Variants in ZNF521 observed in about 807,000 individuals in gnomAD.
ZNF521 encodes zinc finger protein 521, also known as LYST-interacting protein 3.
Under a neutral mutation model 105.5 loss-of-function variants are expected in ZNF521, and 14 were observed. The observed-to-expected ratio is 0.13, with a 90% CI of 0.09 to 0.21. The LOEUF is 0.21. Among genes scored for constraint, ZNF521 ranks in the 10% least tolerant of loss-of-function variants. ZNF521 has a pLI of 1.00. For synonymous variants in ZNF521, 635 were observed against 606.0 expected (o/e 1.05, Z -0.70); for missense variants, 1,233 against 1,629.7 (o/e 0.76, Z 4.19).
intron 7 of ZNF521, among the ~76,000 whole-genome samples, chr18:25,077,325 G>A (rs1458814239): frequency 1.3e-5 from 2 of 152,124 alleles, no homozygotes; most frequent in African/African-American, 4.8e-5. Flanking sequence ...AAGATACGAT[G>A]GCATGCTGAT....
rs1231981976 is a variant in ZNF521, at chr18:25,253,660, T to C, written c.221-25963A>G. Among the ~76,000 whole-genome samples, 3 of 152,140 alleles carry C rather than the reference T, an allele frequency of 2.0e-5. No individual in the cohort carries two copies. The East Asian group carries it at 5.8e-4, about 29-fold the overall frequency. On this transcript the variant is annotated intron_variant, in intron 3 of 7. Transcript: ENST00000361524. ...GTGCTTCAAAAAATGTATTTGCTGA[T>C]ATACAATGGAGCTGTCATAAGTCAA...
intron 5 of ZNF521, among the ~76,000 whole-genome samples, chr18:25,113,506 ATGT>A (rs2034237035): frequency 6.6e-6 from 1 of 152,182 alleles, no homozygotes; most frequent in Admixed American, 6.5e-5. Context: ...GCAAATGCTA[ATGT>A]TGTATCAGAA....
At chr18:25,179,398 T>C (rs543149152) in intron 5 of ZNF521, among the ~76,000 whole-genome samples, 1 of 152,090 alleles carries the variant, frequency 6.6e-6, no homozygotes, top group Admixed American at 6.6e-5. Context: ...TCACTACCAA[T>C]AGGGAGTTAG....
intron 3 of ZNF521, among the ~76,000 whole-genome samples, chr18:25,275,009 G>GA (rs1232486784): frequency 2.0e-5 from 3 of 152,042 alleles, no homozygotes; most frequent in Non-Finnish European, 2.9e-5. Context: ...GGAAGAAAAA[G>GA]AAAAAAACTT....
intron 5 of ZNF521, among the ~76,000 whole-genome samples, chr18:25,109,422 G>A (rs749055429): frequency 5.3e-5 from 8 of 152,114 alleles, no homozygotes; most frequent in Non-Finnish European, 8.8e-5. Flanking sequence ...ACACAGGTAC[G>A]CAGGTGTCTT....
chr18:25,211,059 T>C (rs1287136160), intron 4 of ZNF521, among the ~76,000 whole-genome samples: 1 of 152,218 alleles, frequency 6.6e-6, no homozygotes, highest in African/African-American at 2.4e-5. Context: ...AAGTGTGAGA[T>C]ATATACCCAT....
chr18:25,224,098 C>T (rs1333918854), intron 4 of ZNF521: 4 of 471,560 alleles, frequency 8.5e-6, no homozygotes, highest in South Asian at 3.0e-5. Context: ...TCTCTTCAGT[C>T]ATAGAGAAGA....
intron 2 of ZNF521, among the ~76,000 whole-genome samples, chr18:25,336,267 G>A (rs1913875648): frequency 6.6e-6 from 1 of 152,156 alleles, no homozygotes; most frequent in African/African-American, 2.4e-5. Context: ...ACTGATGACT[G>A]AGGTGATGCA....
chr18:25,289,003 G>A (rs992255977), intron 3 of ZNF521, among the ~76,000 whole-genome samples: 3 of 152,036 alleles, frequency 2.0e-5, no homozygotes, highest in African/African-American at 7.2e-5. Context: ...CTTCTCCTTA[G>A]AATAAAAGGC....
At chr18:25,204,008 C>T (rs1043355360) in intron 4 of ZNF521, among the ~76,000 whole-genome samples, 10 of 152,254 alleles carry the variant, frequency 6.6e-5, no homozygotes, top group Non-Finnish European at 1.0e-4. Context: ...CACCTCCCCG[C>T]CACTCTCTAT....
At chr18:25,231,774 A>C (rs1906544160) in intron 3 of ZNF521, among the ~76,000 whole-genome samples, 1 of 152,208 alleles carries the variant, frequency 6.6e-6, no homozygotes, top group South Asian at 2.1e-4. Flanking sequence ...AGCGGGTCTT[A>C]ATTTGTGTAG....
chr18:25,185,119 T>C lies in ZNF521; in HGVS notation c.3658+10041A>G, dbSNP rs548894521. On this transcript the variant is annotated intron_variant, in intron 5 of 7. Coordinates refer to ENST00000361524, the MANE Select transcript of ZNF521 (RefSeq NM_015461.3). ...TTTAAGAAGTAATCCCATCTAGACC[T>C]CTATTTTAAAATGAATTATTAAACC... Among the ~76,000 whole-genome samples, 503 of 152,312 alleles carry C rather than the reference T, an allele frequency of 3.3e-3. 3 individuals carry two copies. The highest frequency in any genetic ancestry group is 6.0e-3 in the South Asian group (29 of 4,826).
intron 5 of ZNF521, among the ~76,000 whole-genome samples, chr18:25,178,402 T>C (rs1726016451): frequency 6.6e-6 from 1 of 152,194 alleles, no homozygotes; most frequent in African/African-American, 2.4e-5. Context: ...TTTAAATCTA[T>C]CCACTCAGCT....
chr18:25,134,474 T>G (rs2034696832), intron 5 of ZNF521, among the ~76,000 whole-genome samples: 1 of 152,140 alleles, frequency 6.6e-6, no homozygotes, highest in African/African-American at 2.4e-5. Flanking sequence ...TTGCCTGGTC[T>G]GTGAACATTA....
chr18:25,327,523 A>G, intron 2 of ZNF521: 3 of 757,482 alleles, frequency 4.0e-6, no homozygotes, highest in Non-Finnish European at 5.7e-6. Context: ...AAGTATGTTC[A>G]AATCCTAATC....
chr18:25,312,456 T>C (rs72874498), intron 3 of ZNF521, among the ~76,000 whole-genome samples: 9,602 of 152,172 alleles, frequency 0.063, 435 homozygotes, highest in Non-Finnish European at 0.086. Context: ...GTATACTAGG[T>C]AATGATTGAA....
chr18:25,293,774 A>G lies in ZNF521; in HGVS notation c.220+28234T>C, dbSNP rs1005189693. Reference sequence around the variant, plus strand: ...GGTGCTTCCACAATTTCTTGCATACAATCCAACCTTCAAGCAAACCATCAA... The same window carrying G: ...GGTGCTTCCACAATTTCTTGCATACGATCCAACCTTCAAGCAAACCATCAA... On this transcript the variant is annotated intron_variant, in intron 3 of 7. Coordinates refer to ENST00000361524, the MANE Select transcript of ZNF521 (RefSeq NM_015461.3). Among the ~76,000 whole-genome samples, 9 of 152,326 alleles carry G rather than the reference A, an allele frequency of 5.9e-5. 1 individual carries two copies. In the East Asian group the frequency reaches 1.7e-3, roughly 29 times the overall value.
chr18:25,332,805 A>G (rs1167263261), intron 2 of ZNF521, among the ~76,000 whole-genome samples: 1 of 152,204 alleles, frequency 6.6e-6, no homozygotes, highest in Non-Finnish European at 1.5e-5. Flanking sequence ...CCAAATGTGC[A>G]TTCAATCTGC....
At chr18:25,304,870 A>G (rs1911881008) in intron 3 of ZNF521, among the ~76,000 whole-genome samples, 1 of 152,232 alleles carries the variant, frequency 6.6e-6, no homozygotes, top group South Asian at 2.1e-4. Flanking sequence ...ATTGTCAAAT[A>G]CTGTACATGT....
Sources: gnomAD v4.1 joint callset for allele counts (sites outside exome capture counted in the v4.1 genomes callset) on GRCh38, gnomAD v4.1.1 for gene constraint, MANE v1.5 for transcripts, NCBI Gene and HGNC (gene_info 2026-07-23, HGNC 2026-07-21) for gene names.